The following TMEM108 variants were observed in gnomAD, a reference collection of about 807,000 sequenced individuals.
TMEM108 encodes the protein transmembrane protein 108.
In TMEM108, 12 loss-of-function variants were observed where a neutral mutation model predicts 35.1. The observed-to-expected ratio is 0.34, with a 90% confidence interval of 0.22 to 0.55. The LOEUF is 0.55. TMEM108 is among the 20% of genes least tolerant of loss of function. The probability of loss-of-function intolerance (pLI) is 0.89; values close to 1 mark genes in which losing one functional copy is unlikely to be tolerated. For synonymous variants in TMEM108, 287 were observed against 308.6 expected (o/e 0.93, Z 0.73); for missense variants, 680 against 753.3 (o/e 0.90, Z 1.14).
intron 3 of TMEM108, among the ~76,000 whole-genome samples, chr3:133,299,787 G>C (rs529192504): frequency 6.6e-6 from 1 of 152,236 alleles, no homozygotes; most frequent in Admixed American, 6.5e-5. Context: ...GCAGAGGGAC[G>C]TTCTTCTCCT....
chr3:133,379,649 G>A (rs190613951), intron 3 of TMEM108, 103 bp from the exon 4 acceptor site: 12 of 1,153,664 alleles, frequency 1.0e-5, no homozygotes, highest in East Asian at 4.7e-5. Context: ...TGCTCCTGAC[G>A]TTTCCTGAGT....
intron 2 of TMEM108, among the ~76,000 whole-genome samples, chr3:133,124,594 A>ACAGC (rs1266547725): frequency 3.3e-5 from 5 of 152,226 alleles, no homozygotes; most frequent in Admixed American, 1.3e-4. Context: ...TGCCCTTTCC[A>ACAGC]CAGCCAGCCA....
chr3:133,100,545 A>T (rs2107714730), intron 2 of TMEM108, among the ~76,000 whole-genome samples: 1 of 152,296 alleles, frequency 6.6e-6, no homozygotes, highest in African/African-American at 2.4e-5. Flanking sequence ...GTTGAGACTG[A>T]AGTGAGCCAT....
At chr3:133,130,911 T>A (rs1944482154) in intron 2 of TMEM108, among the ~76,000 whole-genome samples, 1 of 152,246 alleles carries the variant, frequency 6.6e-6, no homozygotes, top group Non-Finnish European at 1.5e-5. Flanking sequence ...TCAAGAAAAT[T>A]ATCTGAAAAT....
chr3:133,192,069 C>T (rs1307998596), intron 2 of TMEM108, among the ~76,000 whole-genome samples: 1 of 152,078 alleles, frequency 6.6e-6, no homozygotes, highest in Non-Finnish European at 1.5e-5. Flanking sequence ...TTGCTGAGAT[C>T]ATGTATGTCC....
intron 2 of TMEM108, among the ~76,000 whole-genome samples, chr3:133,170,956 A>C (rs1170439658): frequency 1.3e-5 from 2 of 152,210 alleles, no homozygotes; most frequent in African/African-American, 4.8e-5. Context: ...ACAAGTGATG[A>C]AGATTAGGCA....
chr3:133,057,435 GTATATATATATATATATATA>G (rs56983894), intron 2 of TMEM108, among the ~76,000 whole-genome samples: 48 of 45,760 alleles, frequency 1.0e-3, no homozygotes, highest in Middle Eastern at 0.02. Context: ...GTGTGTGTGT[GTATATATATATATATATATA>G]TATATATATA....
intron 3 of TMEM108, among the ~76,000 whole-genome samples, chr3:133,324,897 A>G (rs1244418973): frequency 6.6e-6 from 1 of 152,222 alleles, no homozygotes; most frequent in East Asian, 1.9e-4. Context: ...AATTGCTTCA[A>G]CCTGGGAGAC....
chr3:133,231,012 C>A (rs1946145086), intron 3 of TMEM108, among the ~76,000 whole-genome samples: 1 of 152,142 alleles, frequency 6.6e-6, no homozygotes, highest in South Asian at 2.1e-4. Flanking sequence ...TAGGTAGTGG[C>A]CCTCACTAAA....
At chr3:133,315,848 C>T (rs186143785) in intron 3 of TMEM108, among the ~76,000 whole-genome samples, 1 of 152,302 alleles carries the variant, frequency 6.6e-6, no homozygotes, top group Non-Finnish European at 1.5e-5. Context: ...TATAGATTAA[C>T]ATTAAATGAG....
intron 2 of TMEM108, among the ~76,000 whole-genome samples, chr3:133,120,598 A>G (rs938667369): frequency 6.6e-6 from 1 of 152,044 alleles, no homozygotes; most frequent in Admixed American, 6.5e-5. Flanking sequence ...ATCTCTCTTT[A>G]TGTTTGTGTC....
intron 3 of TMEM108, among the ~76,000 whole-genome samples, chr3:133,281,240 T>C (rs1946908029): frequency 6.6e-6 from 1 of 152,186 alleles, no homozygotes; most frequent in South Asian, 2.1e-4. Context: ...GGTTCCCATG[T>C]TTAAATATAG....
chr3:133,114,828 T>C (rs1944268235), intron 2 of TMEM108, among the ~76,000 whole-genome samples: 1 of 152,164 alleles, frequency 6.6e-6, no homozygotes, highest in Non-Finnish European at 1.5e-5. Context: ...TTTTATCTAG[T>C]CAGTGAATTC....
At chr3:133,139,086 A>G (rs916804297) in intron 2 of TMEM108, among the ~76,000 whole-genome samples, 2 of 152,188 alleles carry the variant, frequency 1.3e-5, no homozygotes. Context: ...TGCAAAGGAC[A>G]TGAACTCATC....
At chr3:133,054,673 A>C (rs1943444446) in intron 2 of TMEM108, among the ~76,000 whole-genome samples, 1 of 152,218 alleles carries the variant, frequency 6.6e-6, no homozygotes. Flanking sequence ...TGACTTTATA[A>C]GGGAATGCAT....
At chr3:133,393,590 C>G (rs1306215258) in intron 5 of TMEM108, among the ~76,000 whole-genome samples, 1 of 152,194 alleles carries the variant, frequency 6.6e-6, no homozygotes, top group Middle Eastern at 3.2e-3. Context: ...AAACGAGGGG[C>G]CAGCTTCACT....
chr3:133,371,637 A>AC (rs2072679341), intron 3 of TMEM108, among the ~76,000 whole-genome samples: 2 of 146,132 alleles, frequency 1.4e-5, no homozygotes, highest in Admixed American at 1.4e-4. Context: ...AAAAAAAAAA[A>AC]AACCCACCCA....
chr3:133,133,270 A>G (rs1207965821), intron 2 of TMEM108, among the ~76,000 whole-genome samples: 1 of 152,250 alleles, frequency 6.6e-6, no homozygotes, highest in Non-Finnish European at 1.5e-5. Context: ...CCCAAACTTC[A>G]GCCACCACCC....
intron 3 of TMEM108, among the ~76,000 whole-genome samples, chr3:133,281,204 A>T (rs1946907262): frequency 6.6e-6 from 1 of 152,196 alleles, no homozygotes; most frequent in Non-Finnish European, 1.5e-5. Flanking sequence ...ACTGCAGGGC[A>T]AAAAAAGAGA....
Sources: gnomAD v4.1 joint callset for allele counts (sites outside exome capture counted in the v4.1 genomes callset) on GRCh38, gnomAD v4.1.1 for gene constraint, MANE v1.5 for transcripts, NCBI Gene and HGNC (gene_info 2026-07-23, HGNC 2026-07-21) for gene names.